Variants in DNM2 observed in about 807,000 individuals in gnomAD.
The protein encoded by DNM2 is dynamin 2, also known as dynamin-2.
DNM2 carries 15 observed loss-of-function variants against 99.0 expected under a neutral mutation model. The observed-to-expected ratio is 0.15, with a 90% CI of 0.10 to 0.23. The LOEUF (loss-of-function observed/expected upper bound fraction) is 0.23, where lower values mean the gene tolerates loss of function less well. Ranked by LOEUF, DNM2 falls within the 10% of genes least tolerant of loss-of-function variation. DNM2 has a pLI of 1.00. For synonymous variants in DNM2, 525 were observed against 481.2 expected (o/e 1.09, Z -1.19); for missense variants, 742 against 1,189.4 (o/e 0.62, Z 5.53).
intron 1 of DNM2, among the ~76,000 whole-genome samples, chr19:10,741,554 T>C (rs1407871183): frequency 8.0e-5 from 12 of 149,614 alleles, no homozygotes; most frequent in Admixed American, 2.7e-4. Context: ...TTTCTTTCTT[T>C]TTTTTTTTTT....
intron 1 of DNM2, among the ~76,000 whole-genome samples, chr19:10,757,697 C>T (rs897851561): frequency 6.6e-6 from 1 of 152,168 alleles, no homozygotes; most frequent in Non-Finnish European, 1.5e-5. Context: ...GTAAACCCAG[C>T]ACTTTGGGAG....
intron 7 of DNM2, among the ~76,000 whole-genome samples, chr19:10,787,830 G>A (rs2071615610): frequency 2.6e-5 from 4 of 151,992 alleles, no homozygotes; most frequent in African/African-American, 4.8e-5. Context: ...TTGGGAGACT[G>A]AGGCAAGAGA....
chr19:10,754,861 GGATTAC>G (rs1436789063), intron 1 of DNM2, among the ~76,000 whole-genome samples: 1 of 152,130 alleles, frequency 6.6e-6, no homozygotes, highest in Non-Finnish European at 1.5e-5. Flanking sequence ...CAAAGTGCTG[GGATTAC>G]AGGTGTGAGC....
At chr19:10,823,755 A>G (rs1353616413) in intron 16 of DNM2, 33 bp from the exon 17 acceptor site, 17 of 1,599,624 alleles carry the variant, frequency 1.1e-5, no homozygotes, top group Non-Finnish European at 1.5e-5. Flanking sequence ...GGCAGGGTCA[A>G]GCTTGTGCCC....
rs910339920 is a variant in DNM2 at position 10,811,400 on chromosome 19, C to T, written c.1558-864C>T. On this transcript the variant is annotated intron_variant, in intron 14 of 20. Transcript: ENST00000389253. The surrounding 1 kb of genome is among the most constrained non-coding windows in gnomAD (Gnocchi z 5.4). ...TCCTGGAGGCCCCATCTCTGGCGCTCCTGCCGTGCCGTGCCCTGCCATGCC... is the reference window on the plus strand; with the variant it reads ...TCCTGGAGGCCCCATCTCTGGCGCTTCTGCCGTGCCGTGCCCTGCCATGCC... The T allele has an allele frequency of 1.1e-5, 3 of 284,474 alleles. No homozygotes were observed. Among genetic ancestry groups the T allele is most frequent in the East Asian group, 2.0e-4 (2 of 9,768 alleles). The allele number at this position is 284,474 out of a possible 1,614,324, so 17.6% of individuals were successfully genotyped here.
chr19:10,802,684 C>A, intron 12 of DNM2: 1 of 414,082 alleles, frequency 2.4e-6, no homozygotes, highest in Non-Finnish European at 4.6e-6. Flanking sequence ...GAGCCTTTAG[C>A]GACCAGTGTG....
At chr19:10,810,371 C>T (rs1409808800) in intron 14 of DNM2, 1 of 152,510 alleles carries the variant, frequency 6.6e-6, no homozygotes, top group African/African-American at 2.4e-5. Flanking sequence ...TTCTCTGGCT[C>T]ACAAGTGGTG....
At chr19:10,724,662 C>G (rs1368459) in intron 1 of DNM2, among the ~76,000 whole-genome samples, 89,592 of 151,906 alleles carry the variant, frequency 0.59, 26,593 homozygotes, top group South Asian at 0.64. Flanking sequence ...AGGGTGGGAC[C>G]AGGCCTCTAG....
intron 16 of DNM2, 139 bp from the exon 17 acceptor site, chr19:10,823,649 T>G: frequency 1.3e-6 from 1 of 764,898 alleles, no homozygotes; most frequent in Non-Finnish European, 2.3e-6. Context: ...CGGTGACCCC[T>G]CAGCATGACC....
rs1435606117 is a variant in DNM2, at chr19:10,795,513, A to G, written c.1196+74A>G. On this transcript the variant is annotated intron_variant, in intron 9 of 20. Coordinates refer to ENST00000389253, the MANE Select transcript of DNM2 (RefSeq NM_001005361.3). This position sits in a 1 kb window ranked among gnomAD's most constrained non-coding sequence, Gnocchi z 4.2. Reference sequence around the variant, plus strand: ...GACCCCCCAGCTAATTGGGTCACCCACACCTCTGAGTCCCTAATCGTTAGG... The same window carrying G: ...GACCCCCCAGCTAATTGGGTCACCCGCACCTCTGAGTCCCTAATCGTTAGG... The G allele has an allele frequency of 1.3e-6, 2 of 1,547,678 alleles. No individual in the cohort carries two copies. The highest frequency in any genetic ancestry group is 1.1e-5 in the South Asian group (1 of 89,748).
At chr19:10,745,192 G>C (rs1242467359) in intron 1 of DNM2, among the ~76,000 whole-genome samples, 1 of 152,118 alleles carries the variant, frequency 6.6e-6, no homozygotes, top group Non-Finnish European at 1.5e-5. Flanking sequence ...AATCCAGTCC[G>C]TGCATCGCAC....
rs969471628 is a variant in DNM2, at chr19:10,830,050, T to A, written c.2292-77T>A. On this transcript the variant is annotated intron_variant, in intron 19 of 20. Transcript: ENST00000389253. The surrounding 1 kb of genome is among the most constrained non-coding windows in gnomAD (Gnocchi z 4.8). The stretch of plus-strand genomic sequence containing the variant: ...CCCCATAGCCAGCCCCCACCTCAGG[T>A]TCTGGCAGCCACAGTGGCATGGCGG... 6.2e-7 allele frequency: 1 copy of A among 1,601,414 alleles called. No individual in the cohort carries two copies. Among genetic ancestry groups the A allele is most frequent in the Non-Finnish European group, 8.6e-7 (1 of 1,168,630 alleles).
intron 1 of DNM2, among the ~76,000 whole-genome samples, chr19:10,726,593 A>G (rs1436491649): frequency 6.6e-6 from 1 of 152,178 alleles, no homozygotes; most frequent in East Asian, 1.9e-4. Flanking sequence ...ATTTACACAC[A>G]TTTTGTGTAC....
chr19:10,803,069 T>C (rs983210139), intron 12 of DNM2, among the ~76,000 whole-genome samples: 6 of 151,974 alleles, frequency 3.9e-5, no homozygotes, highest in African/African-American at 1.4e-4. Flanking sequence ...CACACCCAGC[T>C]CCCCACCCTC....
chr19:10,724,879 C>T (rs1464090536), intron 1 of DNM2, among the ~76,000 whole-genome samples: 1 of 152,184 alleles, frequency 6.6e-6, no homozygotes, highest in African/African-American at 2.4e-5. Flanking sequence ...GGGATGCTGG[C>T]GTTTCCAGCT....
At chr19:10,751,967 T>G (rs74596792) in intron 1 of DNM2, among the ~76,000 whole-genome samples, 2 of 152,206 alleles carry the variant, frequency 1.3e-5, no homozygotes, top group African/African-American at 4.8e-5. Flanking sequence ...TTATTCCTGA[T>G]GCAAGTCCTG....
Position 10,775,845 on chromosome 19 carries a change from C to T in DNM2, c.528C>T (p.Pro176=), listed in dbSNP as rs147579870. The change falls in exon 4 of 21, where the codon CCC becomes CCT. Residue 176 remains proline, a synonymous_variant. Transcript: ENST00000389253. The surrounding 1 kb of genome is among the most constrained non-coding windows in gnomAD (Gnocchi z 4.3). ...GCAGCCTCATTCTGGCTGTCACGCC[C>T]GCCAACATGGACCTGGCCAACTCCG... is the stretch of plus-strand genomic sequence containing the variant. The part of the protein sequence containing the change: ...RESSLILAVT[P]ANMDLANSDA... 154 of 1,613,948 alleles carry T rather than the reference C, an allele frequency of 9.5e-5. No individual in the cohort carries two copies. The highest frequency in any genetic ancestry group is 2.3e-4 in the Admixed American group (14 of 60,010).
chr19:10,721,317 C>T (rs922110880), intron 1 of DNM2, among the ~76,000 whole-genome samples: 6 of 152,230 alleles, frequency 3.9e-5, no homozygotes, highest in East Asian at 1.9e-4. Flanking sequence ...TTACCACACC[C>T]GGCTAATTTT....
chr19:10,828,898 C>T (rs1437193503), intron 18 of DNM2, 138 bp from the exon 19 acceptor site: 7 of 873,302 alleles, frequency 8.0e-6, no homozygotes, highest in Non-Finnish European at 1.1e-5. Flanking sequence ...GTACTCCAGC[C>T]TGGGTGACAG....
Sources: allele counts gnomAD v4.1 joint callset (sites outside exome capture counted in the v4.1 genomes callset), GRCh38; gene constraint gnomAD v4.1.1; non-coding constraint Gnocchi (gnomAD v3.1); transcripts MANE v1.5; gene names NCBI Gene and HGNC (gene_info 2026-07-23, HGNC 2026-07-21).